The following RIMS2 variants were observed in gnomAD, a reference collection of about 807,000 sequenced individuals.
The protein encoded by RIMS2 is regulating synaptic membrane exocytosis 2, also known as regulating synaptic membrane exocytosis protein 2.
In RIMS2, 59 loss-of-function variants were observed where a neutral mutation model predicts 174.4. The ratio of observed to expected loss-of-function variants is 0.34; its 90% CI spans 0.27 to 0.42. RIMS2 has a LOEUF of 0.42. Ranked by LOEUF, RIMS2 falls within the 10% of genes least tolerant of loss-of-function variation. The probability of loss-of-function intolerance (pLI) is 1.00; values close to 1 mark genes in which losing one functional copy is unlikely to be tolerated. For synonymous variants in RIMS2, 606 were observed against 572.5 expected (o/e 1.06, Z -0.84); for missense variants, 1,620 against 1,666.3 (o/e 0.97, Z 0.48).
Position 103,952,783 on chromosome 8 carries a change from G to A in RIMS2, c.2702-8282G>A, listed in dbSNP as rs180798556. On this transcript the variant is annotated intron_variant, in intron 14 of 23. Coordinates refer to ENST00000504942, the Ensembl canonical transcript of RIMS2. ...TGAGTTTGACGAATTGACAGAAGTC[G>A]ACTTCAGAAAGTGGGTAATAACAAA... 2.8e-4 allele frequency among the ~76,000 whole-genome samples: 43 copies of A among 152,228 alleles called. 1 individual carries two copies. The highest frequency in any genetic ancestry group is 1.1e-3 in the Admixed American group (17 of 15,276).
intron 1 of RIMS2, among the ~76,000 whole-genome samples, chr8:103,616,153 C>T (rs1345035242): frequency 6.6e-6 from 1 of 152,134 alleles, no homozygotes; most frequent in African/African-American, 2.4e-5. Flanking sequence ...AGCAGAACAA[C>T]AGAAGGCTAA....
intron 19 of RIMS2, among the ~76,000 whole-genome samples, chr8:104,127,935 G>A (rs899911882): frequency 6.6e-6 from 1 of 152,062 alleles, no homozygotes; most frequent in Non-Finnish European, 1.5e-5. Context: ...AGGTCACAGG[G>A]GATTTGCATC....
At chr8:103,604,009 C>G (rs1034557809) in intron 1 of RIMS2, among the ~76,000 whole-genome samples, 1 of 149,324 alleles carries the variant, frequency 6.7e-6, no homozygotes, top group African/African-American at 2.5e-5. Context: ...TTAATTAGAT[C>G]CCATTTGTCT....
At chr8:103,521,682 G>A (rs1163454699) in intron 1 of RIMS2, among the ~76,000 whole-genome samples, 5 of 151,444 alleles carry the variant, frequency 3.3e-5, no homozygotes, top group Middle Eastern at 6.8e-3. Context: ...TTTTTGCTCC[G>A]GTGTCATGCC....
chr8:104,235,610 C>G (rs906458973), intron 19 of RIMS2, among the ~76,000 whole-genome samples: 2 of 151,986 alleles, frequency 1.3e-5, no homozygotes, highest in East Asian at 3.9e-4. Flanking sequence ...CATAGACTGA[C>G]AGACGTTATT....
At chr8:103,800,289 T>G (rs7826803) in intron 3 of RIMS2, among the ~76,000 whole-genome samples, 22,795 of 152,042 alleles carry the variant, frequency 0.15, 1,778 homozygotes, top group Middle Eastern at 0.24. Context: ...GAAAAAAGCC[T>G]TATTTTTTCT....
rs1271613005 is a variant in RIMS2, at chr8:103,916,551, A to G, written c.2036+14A>G. Reference sequence around the variant, plus strand: ...AAGGCCTATTGGGTAAGTTGGTTTCAGTATTTTATATGTGTGTGAAGTTGA... The same window carrying G: ...AAGGCCTATTGGGTAAGTTGGTTTCGGTATTTTATATGTGTGTGAAGTTGA... On this transcript the variant is annotated intron_variant, in intron 8 of 23. Transcript: ENST00000504942. The G allele has an allele frequency of 6.3e-7, 1 of 1,594,754 alleles. No homozygotes were observed. The highest frequency in any genetic ancestry group is 1.8e-5 in the Admixed American group (1 of 56,212).
rs2090100470 is a variant in RIMS2, at chr8:103,961,565, C to T, written c.2770+432C>T. On this transcript the variant is annotated intron_variant, in intron 15 of 23. Transcript: ENST00000504942. The stretch of plus-strand genomic sequence containing the variant: ...TTTTTATATGAAGTATCATGTACAG[C>T]TACGTTTTGAAATTATAGTATTGTA... 2.0e-5 allele frequency among the ~76,000 whole-genome samples: 3 copies of T among 152,040 alleles called. No individual in the cohort carries two copies. In the South Asian group the frequency reaches 6.2e-4, roughly 32 times the overall value.
chr8:104,143,847 G>C (rs1247414689), intron 19 of RIMS2, among the ~76,000 whole-genome samples: 1 of 152,092 alleles, frequency 6.6e-6, no homozygotes, highest in South Asian at 2.1e-4. Context: ...ATTATTTCCA[G>C]ACTACCTTCT....
intron 1 of RIMS2, among the ~76,000 whole-genome samples, chr8:103,658,124 A>G (rs1459618409): frequency 6.6e-6 from 1 of 152,242 alleles, no homozygotes; most frequent in Non-Finnish European, 1.5e-5. Context: ...CAAATATACA[A>G]GTGTCCTCTG....
intron 3 of RIMS2, among the ~76,000 whole-genome samples, chr8:103,810,583 T>C (rs892172301): frequency 1.4e-5 from 2 of 148,108 alleles, no homozygotes; most frequent in South Asian, 4.3e-4. Context: ...GAACCTAATG[T>C]CCTTTAAAAA....
intron 5 of RIMS2, among the ~76,000 whole-genome samples, chr8:103,911,401 A>G (rs1279233857): frequency 1.3e-5 from 2 of 152,180 alleles, no homozygotes; most frequent in Non-Finnish European, 2.9e-5. Flanking sequence ...AAGACCTGAA[A>G]GAATCATGAA....
At chr8:104,195,581 C>T (rs909763668) in intron 19 of RIMS2, among the ~76,000 whole-genome samples, 1 of 147,946 alleles carries the variant, frequency 6.8e-6, no homozygotes, top group African/African-American at 2.5e-5. Flanking sequence ...ATGGCACGAT[C>T]TCGACTCACT....
Position 103,607,216 on chromosome 8 carries a change from G to C in RIMS2, c.177-89870G>C, listed in dbSNP as rs1588872238. Among the ~76,000 whole-genome samples, 7 of 152,112 alleles carry C rather than the reference G, an allele frequency of 4.6e-5. 1 individual carries two copies. In the South Asian group the frequency reaches 1.5e-3, roughly 32 times the overall value. On this transcript the variant is annotated intron_variant, in intron 1 of 23. Coordinates refer to ENST00000504942, the Ensembl canonical transcript of RIMS2. ...GGCCTCGTGGTGACAAAATCTCTCA[G>C]CGTTTGCTTGTCTGTGAAGTATTTT...
chr8:103,829,661 C>T (rs532494726), intron 3 of RIMS2, among the ~76,000 whole-genome samples: 19 of 152,182 alleles, frequency 1.2e-4, no homozygotes, highest in African/African-American at 4.6e-4. Flanking sequence ...AGCTTGAATA[C>T]ACATGGACAC....
At chr8:103,556,258 T>C (rs1397969027) in intron 1 of RIMS2, among the ~76,000 whole-genome samples, 1 of 152,226 alleles carries the variant, frequency 6.6e-6, no homozygotes, top group Non-Finnish European at 1.5e-5. Context: ...TTAGTCATTC[T>C]ACAATGTATA....
At chr8:103,693,617 A>G (rs1273902184) in intron 1 of RIMS2, among the ~76,000 whole-genome samples, 4 of 152,120 alleles carry the variant, frequency 2.6e-5, no homozygotes, top group Non-Finnish European at 5.9e-5. Context: ...AAATGTCTTC[A>G]CCAGTCAGCC....
At chr8:103,599,151 C>A (rs978476519) in intron 1 of RIMS2, among the ~76,000 whole-genome samples, 1 of 152,004 alleles carries the variant, frequency 6.6e-6, no homozygotes, top group Non-Finnish European at 1.5e-5. Context: ...ACTGCTACTA[C>A]TTACAGTTGT....
chr8:103,754,348 A>T (rs2097945457), intron 2 of RIMS2, among the ~76,000 whole-genome samples: 1 of 152,184 alleles, frequency 6.6e-6, no homozygotes. Context: ...TTTACTTCCA[A>T]CGATGTGGTC....
Sources: gnomAD v4.1 joint callset for allele counts (sites outside exome capture counted in the v4.1 genomes callset) on GRCh38, gnomAD v4.1.1 for gene constraint, MANE v1.5 for transcripts, NCBI Gene and HGNC (gene_info 2026-07-23, HGNC 2026-07-21) for gene names.